The following GPC3 variants were observed in gnomAD, a reference collection of about 807,000 sequenced individuals.
The protein encoded by GPC3 is glypican 3.
A neutral mutation model predicts 34.4 loss-of-function variants in GPC3; 3 were observed. The ratio of observed to expected loss-of-function variants is 0.09; its 90% CI spans 0.04 to 0.23. GPC3 has a LOEUF of 0.23. GPC3 is among the 10% of genes least tolerant of loss of function. The probability of loss-of-function intolerance (pLI) is 1.00; values close to 1 mark genes in which losing one functional copy is unlikely to be tolerated. For synonymous variants in GPC3, 177 were observed against 174.0 expected (o/e 1.02, Z -0.13); for missense variants, 351 against 445.6 (o/e 0.79, Z 1.91).
At position 133,933,868 on chromosome X, in the gene GPC3, G is replaced by GT. The variant is rs145289700; in HGVS notation, c.337+19181dup. Among the ~76,000 whole-genome samples the GT allele has an allele frequency of 7.3e-3, 660 of 90,025 alleles. 4 individuals carry two copies. The highest frequency in any genetic ancestry group is 0.012 in the African/African-American group (293 of 24,662). The allele number at this position is 90,025 out of a possible 115,157, so 78.2% of individuals were successfully genotyped here. A position where few individuals can be genotyped will look rare whatever the true frequency, so the allele number is the denominator to read the frequency against. Reference sequence around the variant, plus strand: ...TTAAACCTCTTTTCTTTTTTTTTTTGTTTTTTTTTTTTTTGAGATGGAATC... The same window carrying GT: ...TTAAACCTCTTTTCTTTTTTTTTTTGTTTTTTTTTTTTTTTGAGATGGAATC... On this transcript the variant is annotated intron_variant, in intron 2 of 7. Transcript: ENST00000370818.
chrX:133,566,470 T>A (rs2069584145), intron 7 of GPC3, among the ~76,000 whole-genome samples: 1 of 111,753 alleles, frequency 8.9e-6, no homozygotes, highest in Non-Finnish European at 1.9e-5. Context: ...TTTTCTTTTT[T>A]TAAATAAAAG....
intron 2 of GPC3, among the ~76,000 whole-genome samples, chrX:133,817,553 G>A (rs1384770746): frequency 1.8e-5 from 2 of 110,182 alleles, no homozygotes; most frequent in Non-Finnish European, 3.8e-5. Context: ...TCTACTGATT[G>A]ACTTTAAGAA....
chrX:133,969,458 C>T (rs1285600464), intron 1 of GPC3, among the ~76,000 whole-genome samples: 1 of 111,861 alleles, frequency 8.9e-6, no homozygotes, highest in Non-Finnish European at 1.9e-5. Context: ...AATAACACAA[C>T]AGAATCTGAA....
chrX:133,862,068 A>G (rs934267163), intron 2 of GPC3, among the ~76,000 whole-genome samples: 8 of 97,213 alleles, frequency 8.2e-5, no homozygotes, highest in Non-Finnish European at 1.4e-4. Context: ...GTATTTTAGA[A>G]AAAGGGGATT....
intron 2 of GPC3, among the ~76,000 whole-genome samples, chrX:133,831,926 T>C (rs747348280): frequency 8.9e-6 from 1 of 111,963 alleles, no homozygotes; most frequent in East Asian, 2.8e-4. Flanking sequence ...ATGAAGTAAA[T>C]ACCACCATTT....
chrX:133,947,186 T>C (rs934772795), intron 2 of GPC3, among the ~76,000 whole-genome samples: 4 of 111,198 alleles, frequency 3.6e-5, no homozygotes, highest in African/African-American at 9.8e-5. Context: ...TGGAAGCTTC[T>C]AGAGGGCAGG....
intron 1 of GPC3, among the ~76,000 whole-genome samples, chrX:133,973,033 C>T (rs766581648): frequency 5.4e-5 from 6 of 110,490 alleles, no homozygotes; most frequent in East Asian, 2.9e-4. Context: ...AAAGAGAGAA[C>T]GGAAAGGGCA....
intron 3 of GPC3, among the ~76,000 whole-genome samples, chrX:133,749,092 T>C (rs900966023): frequency 9.0e-6 from 1 of 110,984 alleles, no homozygotes; most frequent in Admixed American, 9.6e-5. Flanking sequence ...ACCCCGTCTC[T>C]ACAAAAAAAA....
At chrX:133,548,579 A>C (rs1163764004) in intron 7 of GPC3, among the ~76,000 whole-genome samples, 1 of 111,816 alleles carries the variant, frequency 8.9e-6, no homozygotes, top group Non-Finnish European at 1.9e-5. Context: ...AGGTATCCTT[A>C]TACATGAAAG....
chrX:133,627,187 A>C (rs1437315898), intron 6 of GPC3, among the ~76,000 whole-genome samples: 2 of 62,329 alleles, frequency 3.2e-5, no homozygotes, highest in Non-Finnish European at 5.7e-5. Flanking sequence ...GGGGGGAGGG[A>C]TAGCATTAGG....
chrX:133,776,878 C>CTTTTTT lies in GPC3; in HGVS notation c.338-22708_338-22703dup, dbSNP rs10633635. Among the ~76,000 whole-genome samples, 52 of 79,604 alleles carry CTTTTTT rather than the reference C, an allele frequency of 6.5e-4. 2 individuals are homozygous for CTTTTTT. Among genetic ancestry groups the CTTTTTT allele is most frequent in the Non-Finnish European group, 1.0e-3 (43 of 41,466 alleles). The allele number at this position is 79,604 out of a possible 115,157, so 69.1% of individuals were successfully genotyped here. On this transcript the variant is annotated intron_variant, in intron 2 of 7. Coordinates refer to ENST00000370818, the MANE Select transcript of GPC3 (RefSeq NM_004484.4). ...AGGAAGTAGTCACGTCCTTTCTTTT[C>CTTTTTT]TTTTTTTTTTTTTTTTTTTGAGATG...
At chrX:133,606,083 A>T (rs1419036659) in intron 6 of GPC3, among the ~76,000 whole-genome samples, 2 of 112,196 alleles carry the variant, frequency 1.8e-5, no homozygotes, top group African/African-American at 6.5e-5. Flanking sequence ...CAGCAGTGAA[A>T]CTTATGAAAA....
intron 3 of GPC3, among the ~76,000 whole-genome samples, chrX:133,729,288 T>A (rs938190945): frequency 1.8e-5 from 2 of 111,143 alleles, no homozygotes; most frequent in Non-Finnish European, 3.8e-5. Flanking sequence ...AGGACCCTAT[T>A]CCCTCCATTA....
chrX:133,557,155 A>T lies in GPC3; in HGVS notation c.1574-20862T>A, dbSNP rs1257457484. 2.8e-5 allele frequency among the ~76,000 whole-genome samples: 3 copies of T among 108,920 alleles called. No homozygotes were observed. In the Admixed American group the frequency reaches 2.9e-4, roughly 11 times the overall value. The allele number at this position is 108,920 out of a possible 115,157, so 94.6% of individuals were successfully genotyped here. A position where few individuals can be genotyped will look rare whatever the true frequency, so the allele number is the denominator to read the frequency against. On this transcript the variant is annotated intron_variant, in intron 7 of 7. Coordinates refer to ENST00000370818, the MANE Select transcript of GPC3 (RefSeq NM_004484.4). ...AAAAATACAAAAAAATTAGCCGGGC[A>T]TGGTGGCGGGCGCCTGTAGTCCCAG...
chrX:133,734,211 A>G (rs1321630951), intron 3 of GPC3, among the ~76,000 whole-genome samples: 1 of 112,101 alleles, frequency 8.9e-6, no homozygotes. Context: ...GGCGAGATTT[A>G]TCCCAGAAAT....
At chrX:133,575,766 A>G (rs2124306424) in intron 7 of GPC3, among the ~76,000 whole-genome samples, 1 of 112,074 alleles carries the variant, frequency 8.9e-6, no homozygotes, top group African/African-American at 3.2e-5. Flanking sequence ...TATAGCTCTC[A>G]AGTACAGCAC....
At chrX:133,768,845 C>G (rs986202306) in intron 2 of GPC3, among the ~76,000 whole-genome samples, 5 of 110,247 alleles carry the variant, frequency 4.5e-5, no homozygotes. Flanking sequence ...GAGGTTGAGG[C>G]AGGAGAATCA....
chrX:133,682,831 G>T (rs1196188395), intron 5 of GPC3, among the ~76,000 whole-genome samples: 1 of 110,266 alleles, frequency 9.1e-6, no homozygotes, highest in Non-Finnish European at 1.9e-5. Context: ...GCCAGGCATG[G>T]TGGCACGTGC....
At chrX:133,936,996 G>A (rs1199518891) in intron 2 of GPC3, among the ~76,000 whole-genome samples, 4 of 110,774 alleles carry the variant, frequency 3.6e-5, no homozygotes, top group South Asian at 7.8e-4. Flanking sequence ...ACAGAGCCTC[G>A]GGTTCTTCCA....
Sources: gnomAD v4.1 joint callset for allele counts (sites outside exome capture counted in the v4.1 genomes callset) on GRCh38, gnomAD v4.1.1 for gene constraint, MANE v1.5 for transcripts, NCBI Gene and HGNC (gene_info 2026-07-23, HGNC 2026-07-21) for gene names.